The following ADK variants were observed in gnomAD, a reference collection of about 807,000 sequenced individuals.
The protein encoded by ADK is N6,N6-dimethyladenosine kinase.
Under a neutral mutation model 44.7 loss-of-function variants are expected in ADK, and 24 were observed. The observed-to-expected ratio is 0.54, with a 90% confidence interval of 0.39 to 0.76. ADK has a LOEUF of 0.76. Ranked by LOEUF, ADK falls within the 30% of genes least tolerant of loss-of-function variation. ADK has a pLI of 0.00. For missense variants in ADK, 321 were observed against 425.1 expected (o/e 0.76, Z 2.15); for synonymous variants, 128 against 142.6 (o/e 0.90, Z 0.73).
intron 7 of ADK, among the ~76,000 whole-genome samples, chr10:74,537,535 A>T (rs1849497128): frequency 6.6e-6 from 1 of 152,224 alleles, no homozygotes; most frequent in Non-Finnish European, 1.5e-5. Flanking sequence ...GTCATTATCT[A>T]GCAGTAGATG....
intron 6 of ADK, among the ~76,000 whole-genome samples, chr10:74,416,497 T>A (rs1844378073): frequency 6.6e-6 from 1 of 151,956 alleles, no homozygotes; most frequent in South Asian, 2.1e-4. Flanking sequence ...TGCTGCTTTT[T>A]AAAAATTTAT....
intron 6 of ADK, among the ~76,000 whole-genome samples, chr10:74,475,919 G>GCTTAA (rs1846819207): frequency 6.6e-6 from 1 of 152,102 alleles, no homozygotes; most frequent in Non-Finnish European, 1.5e-5. Flanking sequence ...TTGCTTCTAG[G>GCTTAA]TTCTCTCAGC....
At chr10:74,464,856 A>G (rs1286538260) in intron 6 of ADK, among the ~76,000 whole-genome samples, 1 of 152,140 alleles carries the variant, frequency 6.6e-6, no homozygotes, top group East Asian at 1.9e-4. Context: ...AGAGAGAGAG[A>G]GAAGCAGAAA....
intron 7 of ADK, among the ~76,000 whole-genome samples, chr10:74,536,427 T>C (rs998848446): frequency 6.6e-6 from 1 of 152,038 alleles, no homozygotes; most frequent in African/African-American, 2.4e-5. Flanking sequence ...TCTTGTGATA[T>C]AACCAGATTA....
At chr10:74,205,692 A>G (rs1004925489) in intron 2 of ADK, among the ~76,000 whole-genome samples, 7 of 151,518 alleles carry the variant, frequency 4.6e-5, no homozygotes, top group African/African-American at 2.4e-5. Flanking sequence ...AAAAAAAAAA[A>G]AAAGAAATGT....
intron 6 of ADK, among the ~76,000 whole-genome samples, chr10:74,496,128 A>G (rs1847676256): frequency 6.6e-6 from 1 of 152,110 alleles, no homozygotes; most frequent in African/African-American, 2.4e-5. Flanking sequence ...TCACCTTTGG[A>G]GGGGGCGAGG....
intron 1 of ADK, chr10:74,176,686 C>T (rs1216369464): frequency 2.8e-6 from 4 of 1,444,110 alleles, no homozygotes; most frequent in Non-Finnish European, 2.7e-6. Context: ...GCGGAGCGCC[C>T]GCCTTCCCTC....
intron 4 of ADK, among the ~76,000 whole-genome samples, chr10:74,342,817 T>TGTGTGTGTGTGTGTGTG (rs1564664123): frequency 1.0e-5 from 1 of 98,366 alleles, no homozygotes; most frequent in African/African-American, 5.7e-5. Flanking sequence ...GTGTGTGTGT[T>TGTGTGTGTGTGTGTGTG]TTAATATTGA....
intron 7 of ADK, among the ~76,000 whole-genome samples, chr10:74,569,492 C>T (rs1179474625): frequency 3.3e-5 from 5 of 152,174 alleles, no homozygotes; most frequent in African/African-American, 1.2e-4. Flanking sequence ...GATGGTATCT[C>T]ATTGTGGTTT....
At chr10:74,151,420 C>G (rs1841582486) in intron 1 of ADK, 77 bp downstream of exon 1, 3 of 1,467,380 alleles carry the variant, frequency 2.0e-6, no homozygotes, top group Non-Finnish European at 1.9e-6. Context: ...TGCACGGCCC[C>G]GACGCTGGGT....
chr10:74,219,196 A>G (rs1159364082), intron 2 of ADK, among the ~76,000 whole-genome samples: 2 of 151,626 alleles, frequency 1.3e-5, no homozygotes, highest in Non-Finnish European at 3.0e-5. Context: ...AATGGAAAAC[A>G]AAAAAAGGCA....
intron 4 of ADK, among the ~76,000 whole-genome samples, chr10:74,387,964 A>G (rs146913015): frequency 0.021 from 3,120 of 151,944 alleles, 76 homozygotes; most frequent in African/African-American, 0.058. Flanking sequence ...CTGGAATGCA[A>G]TGGCGCAATC....
At chr10:74,257,486 C>G (rs1032540151) in intron 3 of ADK, among the ~76,000 whole-genome samples, 9 of 152,002 alleles carry the variant, frequency 5.9e-5, no homozygotes, top group African/African-American at 9.7e-5. Context: ...GATATTAATA[C>G]TTAAATGAAA....
chr10:74,688,035 T>C (rs956472824), intron 10 of ADK, among the ~76,000 whole-genome samples: 1 of 152,250 alleles, frequency 6.6e-6, no homozygotes, highest in African/African-American at 2.4e-5. Context: ...AAAAAATCTA[T>C]ATGATCTGCT....
At chr10:74,582,481 A>T (rs557259132) in intron 7 of ADK, among the ~76,000 whole-genome samples, 42 of 152,274 alleles carry the variant, frequency 2.8e-4, no homozygotes, top group African/African-American at 1.0e-3. Context: ...TTGATGAAGC[A>T]CTTTTTCCTA....
At chr10:74,677,811 A>C (rs1185278929) in intron 10 of ADK, among the ~76,000 whole-genome samples, 1 of 151,792 alleles carries the variant, frequency 6.6e-6, no homozygotes, top group African/African-American at 2.4e-5. Flanking sequence ...TCAAATGAAC[A>C]GTGAAATTGG....
chr10:74,199,558 A>G (rs1843298558), intron 1 of ADK, among the ~76,000 whole-genome samples: 1 of 152,130 alleles, frequency 6.6e-6, no homozygotes, highest in Admixed American at 6.5e-5. Context: ...CATGGTGTAT[A>G]TGTATTGAAT....
intron 6 of ADK, among the ~76,000 whole-genome samples, chr10:74,524,310 C>A (rs1848956515): frequency 6.6e-6 from 1 of 152,108 alleles, no homozygotes; most frequent in Non-Finnish European, 1.5e-5. Context: ...TTACTGCATT[C>A]TTTTCTCATT....
At chr10:74,309,771 T>G (rs533860644) in intron 3 of ADK, among the ~76,000 whole-genome samples, 1 of 152,240 alleles carries the variant, frequency 6.6e-6, no homozygotes, top group Non-Finnish European at 1.5e-5. Flanking sequence ...AGTAAATTAA[T>G]TTTTAAAGAC....
Sources: allele counts gnomAD v4.1 joint callset (sites outside exome capture counted in the v4.1 genomes callset), GRCh38; gene constraint gnomAD v4.1.1; transcripts MANE v1.5; gene names NCBI Gene and HGNC (gene_info 2026-07-23, HGNC 2026-07-21).